The following MIER2 variants were observed in gnomAD, a reference collection of about 807,000 sequenced individuals.
MIER2 encodes mesoderm induction early response protein 2.
MIER2 carries 30 observed loss-of-function variants against 67.6 expected under a neutral mutation model. That is an observed-to-expected ratio of 0.44 (90% CI 0.33 to 0.60). MIER2 has a LOEUF of 0.60. MIER2 is among the 20% of genes least tolerant of loss of function. The pLI, the probability that MIER2 is intolerant of heterozygous loss-of-function variation, is 0.02. For synonymous variants in MIER2, 372 were observed against 312.6 expected, an observed-to-expected ratio of 1.19 and a Z score of -2.00; for missense variants, 702 against 745.1, an observed-to-expected ratio of 0.94 and a Z score of 0.67.
intron 8 of MIER2, 64 bp downstream of exon 8, chr19:313,428 T>C (rs898950741): frequency 5.1e-6 from 8 of 1,573,426 alleles, no homozygotes; most frequent in African/African-American, 4.0e-5. Context: ...GGCACTGGGG[T>C]GTGAGCTCTG....
intron 7 of MIER2, among the ~76,000 whole-genome samples, chr19:319,039 A>C (rs1971383159): frequency 7.3e-6 from 1 of 137,606 alleles, no homozygotes; most frequent in Admixed American, 7.8e-5. Context: ...CCTGGGCCAC[A>C]GGTGAGACTC....
chr19:319,416 G>A (rs1971406180), intron 7 of MIER2, among the ~76,000 whole-genome samples: 1 of 152,146 alleles, frequency 6.6e-6, no homozygotes, highest in South Asian at 2.1e-4. Flanking sequence ...ACATGAACAA[G>A]GCTAAAGTTA....
chr19:339,228 T>G (rs58214569), intron 1 of MIER2, among the ~76,000 whole-genome samples: 6,406 of 152,064 alleles, frequency 0.042, 454 homozygotes, highest in African/African-American at 0.14. Flanking sequence ...AGGAACTTCT[T>G]CTCAGTATAA....
chr19:326,082 A>AGG (rs1167781821), intron 6 of MIER2, among the ~76,000 whole-genome samples: 1 of 152,252 alleles, frequency 6.6e-6, no homozygotes, highest in Non-Finnish European at 1.5e-5. Context: ...GAGAGGGCTC[A>AGG]GCAGGACCCG....
At chr19:326,221 G>A (rs904956150) in intron 6 of MIER2, among the ~76,000 whole-genome samples, 3 of 151,454 alleles carry the variant, frequency 2.0e-5, no homozygotes, top group African/African-American at 7.3e-5. Flanking sequence ...CCACGGTCGG[G>A]ATGCCAGGTT....
At chr19:336,039 A>G in intron 2 of MIER2, 44 bp downstream of exon 2, 4 of 1,581,382 alleles carry the variant, frequency 2.5e-6, no homozygotes, top group Non-Finnish European at 2.6e-6. Flanking sequence ...CACAGCCACA[A>G]AGGCCTTGGC....
chr19:308,543 G>GC lies in MIER2; in HGVS notation c.1198+33dup. 2 of 1,552,268 alleles carry GC rather than the reference G, an allele frequency of 1.3e-6. No homozygotes were observed. Among genetic ancestry groups the GC allele is most frequent in the South Asian group, 2.4e-5 (2 of 84,670 alleles). On this transcript the variant is annotated intron_variant, in intron 12 of 13. Transcript: ENST00000264819. This position sits in a 1 kb window ranked among gnomAD's most constrained non-coding sequence, Gnocchi z 9.1. ...CACTCACGGCTCCAGACCCGTGGCC[G>GC]CCCCCAGGGCAGGAGATACTCCCCA...
intron 1 of MIER2, among the ~76,000 whole-genome samples, chr19:338,170 CAAAAAAAAAAAAAA>C (rs34351754): frequency 5.2e-5 from 4 of 76,858 alleles, no homozygotes; most frequent in Non-Finnish European, 7.7e-5. Flanking sequence ...GACTCCATCT[CAAAAAAAAAAAAAA>C]AAAAAAAAAA....
intron 10 of MIER2, among the ~76,000 whole-genome samples, chr19:311,360 G>A (rs1214968891): frequency 6.6e-6 from 1 of 152,246 alleles, no homozygotes; most frequent in South Asian, 2.1e-4. Context: ...CGTGGGGAAG[G>A]TCTAAGGAAG....
At chr19:334,183 A>G in intron 3 of MIER2, 1 of 577,086 alleles carries the variant, frequency 1.7e-6, no homozygotes, top group South Asian at 2.3e-5. Context: ...AAGATTTGAG[A>G]GCAGCTGGCT....
chr19:336,248 G>A (rs534017082), intron 1 of MIER2, 75 bp from the exon 2 acceptor site: 11 of 1,251,120 alleles, frequency 8.8e-6, no homozygotes, highest in Non-Finnish European at 1.3e-5. Flanking sequence ...TGGCAGCCAA[G>A]AGCAAGCGCT....
At chr19:307,043 C>G in intron 13 of MIER2, 76 bp downstream of exon 13, 1 of 1,478,616 alleles carries the variant, frequency 6.8e-7, no homozygotes, top group South Asian at 1.3e-5. Flanking sequence ...GCCTCCCACC[C>G]TCCTCTGCTC....
intron 3 of MIER2, chr19:330,219 T>G (rs548924785): frequency 1.3e-5 from 2 of 152,268 alleles, no homozygotes; most frequent in East Asian, 3.9e-4. Context: ...AAACTTGGGT[T>G]TGACAACATG....
chr19:313,864 A>G (rs191581862), intron 7 of MIER2, among the ~76,000 whole-genome samples: 4 of 152,274 alleles, frequency 2.6e-5, no homozygotes, highest in African/African-American at 9.6e-5. Flanking sequence ...TGGGCACCAC[A>G]CACAGGCCTG....
Position 327,056 on chromosome 19 carries a change from A to G in MIER2, c.493+77T>C. ...ATGAGTTCTTGGCCTGCATCAGCCC[A>G]AGGACCCTTCATCAAGCATCACGAC... On this transcript the variant is annotated intron_variant, in intron 5 of 13. Transcript: ENST00000264819. 3.3e-6 allele frequency: 5 copies of G among 1,522,362 alleles called. No individual in the cohort carries two copies. In the South Asian group the frequency reaches 5.2e-5, roughly 16 times the overall value. 94.3% of individuals were successfully genotyped at this position (1,522,362 alleles called of 1,614,324 possible).
chr19:339,095 A>C (rs1751985083), intron 1 of MIER2, among the ~76,000 whole-genome samples: 1 of 151,920 alleles, frequency 6.6e-6, no homozygotes, highest in Non-Finnish European at 1.5e-5. Context: ...AAAAAAAAAA[A>C]ACCAAATGGA....
At chr19:329,819 T>C (rs180833029) in intron 3 of MIER2, among the ~76,000 whole-genome samples, 13 of 145,812 alleles carry the variant, frequency 8.9e-5, no homozygotes, top group East Asian at 2.0e-4. Context: ...TGAGCCGACA[T>C]TGTGCTACTG....
Position 308,652 on chromosome 19 carries a change from C to A in MIER2, c.1123G>T (p.Asp375Tyr), listed in dbSNP as rs1377158803. Residue 375 changes from aspartate to tyrosine, a missense_variant, in exon 12 of 14, where the codon GAC becomes TAC. Asp to Tyr is a radical substitution (Grantham distance 160, BLOSUM62 -3). Coordinates refer to ENST00000264819, the MANE Select transcript of MIER2 (RefSeq NM_017550.3). The surrounding 1 kb of genome is among the most constrained non-coding windows in gnomAD (Gnocchi z 9.1). ...VPSGTTDADQ[D>Y]LDGSDPDGPG... is the part of the protein sequence containing the mutation. The stretch of plus-strand genomic sequence containing the variant: ...CCATCGGGGTCGCTGCCATCCAGGT[C>A]CTGGTCTGCGTCCCTGTGGGGAGAG... 6.2e-7 allele frequency: 1 copy of A among 1,603,716 alleles called. No individual in the cohort carries two copies.
intron 3 of MIER2, among the ~76,000 whole-genome samples, chr19:329,318 C>T (rs1035531641): frequency 5.9e-5 from 9 of 152,192 alleles, no homozygotes; most frequent in Non-Finnish European, 1.3e-4. Context: ...TGTCCATTAC[C>T]TTCAGGATTA....
Sources: allele counts gnomAD v4.1 joint callset (sites outside exome capture counted in the v4.1 genomes callset), GRCh38; gene constraint gnomAD v4.1.1; non-coding constraint Gnocchi (gnomAD v3.1); transcripts MANE v1.5; gene names NCBI Gene and HGNC (gene_info 2026-07-23, HGNC 2026-07-21).